The following INTS9 variants were observed in gnomAD, a reference collection of about 807,000 sequenced individuals.
The protein encoded by INTS9 is integrator complex subunit 9.
In INTS9, 55 loss-of-function variants were observed where a neutral mutation model predicts 79.7. That is an observed-to-expected ratio of 0.69 (90% confidence interval 0.56 to 0.86). The LOEUF is 0.86. INTS9 is among the 40% of genes least tolerant of loss of function. The probability of loss-of-function intolerance (pLI) is 0.00; values close to 1 mark genes in which losing one functional copy is unlikely to be tolerated. For synonymous variants in INTS9, 319 were observed against 325.2 expected, an observed-to-expected ratio of 0.98 and a Z score of 0.20; for missense variants, 721 against 831.5, an observed-to-expected ratio of 0.87 and a Z score of 1.64.
intron 1 of INTS9, chr8:28,862,283 T>G (rs999927964): frequency 2.5e-5 from 23 of 915,992 alleles, no homozygotes; most frequent in African/African-American, 5.4e-5. Flanking sequence ...GATTATCATT[T>G]TTATATTCCA....
At chr8:28,772,837 A>G (rs1802629309) in intron 14 of INTS9, among the ~76,000 whole-genome samples, 1 of 152,232 alleles carries the variant, frequency 6.6e-6, no homozygotes, top group Non-Finnish European at 1.5e-5. Context: ...ATACAATTTA[A>G]AATTAGATAA....
intron 11 of INTS9, among the ~76,000 whole-genome samples, chr8:28,783,040 G>C (rs1803384936): frequency 1.3e-5 from 2 of 151,502 alleles, no homozygotes; most frequent in Non-Finnish European, 2.9e-5. Flanking sequence ...CGTTACTCGG[G>C]AGGCTGAGGC....
intron 5 of INTS9, among the ~76,000 whole-genome samples, chr8:28,836,727 T>G (rs10866874): frequency 6.6e-6 from 1 of 151,912 alleles, no homozygotes. Flanking sequence ...ATCCTCTCAA[T>G]TGAAACCAGT....
chr8:28,874,278 ATATT>A (rs1809249669), intron 1 of INTS9, among the ~76,000 whole-genome samples: 1 of 151,560 alleles, frequency 6.6e-6, no homozygotes, highest in Non-Finnish European at 1.5e-5. Context: ...TTAAAAATTC[ATATT>A]TAAACTGTTT....
intron 1 of INTS9, among the ~76,000 whole-genome samples, chr8:28,884,370 A>G (rs1398664033): frequency 6.6e-6 from 1 of 151,722 alleles, no homozygotes; most frequent in African/African-American, 2.4e-5. Context: ...TTTTTTGTAC[A>G]GACAGGGTCT....
At chr8:28,838,205 C>A (rs1013124451) in intron 4 of INTS9, among the ~76,000 whole-genome samples, 1 of 152,000 alleles carries the variant, frequency 6.6e-6, no homozygotes, top group Admixed American at 6.5e-5. Flanking sequence ...CACACAGAAA[C>A]CAGCTCTTCA....
chr8:28,866,508 C>T (rs1808752379), intron 1 of INTS9, among the ~76,000 whole-genome samples: 5 of 152,284 alleles, frequency 3.3e-5, no homozygotes, highest in Middle Eastern at 6.8e-3. Context: ...TCCTTACAGA[C>T]CCCAGGGGCA....
At chr8:28,861,865 T>C (rs1267929958) in intron 1 of INTS9, among the ~76,000 whole-genome samples, 1 of 152,226 alleles carries the variant, frequency 6.6e-6, no homozygotes, top group Non-Finnish European at 1.5e-5. Flanking sequence ...GAACAAACAT[T>C]TTCAGAGCAC....
chr8:28,818,365 T>C (rs1397556039), intron 6 of INTS9, among the ~76,000 whole-genome samples: 7 of 149,838 alleles, frequency 4.7e-5, no homozygotes, highest in African/African-American at 7.4e-5. Context: ...GCATGAAGGG[T>C]TGTTGAATTT....
chr8:28,770,894 T>C (rs1802490976), intron 15 of INTS9, 88 bp downstream of exon 15: 1 of 908,714 alleles, frequency 1.1e-6, no homozygotes, highest in African/African-American at 1.6e-5. Flanking sequence ...AGAATTCACA[T>C]GAAGCGCTAT....
chr8:28,864,985 C>CAAA (rs767728666), intron 1 of INTS9, among the ~76,000 whole-genome samples: 4 of 65,204 alleles, frequency 6.1e-5, no homozygotes, highest in Admixed American at 3.1e-4. Context: ...GACACCGTCT[C>CAAA]AAAAAAAAAA....
intron 9 of INTS9, among the ~76,000 whole-genome samples, chr8:28,795,646 A>T (rs1347822633): frequency 1.5e-3 from 221 of 142,894 alleles, no homozygotes; most frequent in African/African-American, 5.8e-3. Flanking sequence ...TCTCAAAAAA[A>T]AAAAAAAAAA....
At chr8:28,869,731 T>C (rs1371540993) in intron 1 of INTS9, among the ~76,000 whole-genome samples, 2 of 152,216 alleles carry the variant, frequency 1.3e-5, no homozygotes, top group Admixed American at 6.5e-5. Flanking sequence ...GTGCCAATCA[T>C]ACTCACTGTC....
chr8:28,850,269 T>C lies in INTS9; in HGVS notation c.142A>G (p.Arg48Gly), dbSNP rs770562130. ...GACCAGCCAGGAAGATTGGACAGCC[T>C]GGGACTGCAAAACAAAAGATTAAGA... The part of the protein sequence containing the change: ...FLPLPLVQSP[R>G]LSNLPGWSLK... The change falls in exon 3 of 17, where the codon AGG (arginine) becomes GGG (glycine). Residue 48 changes from arginine (R) to glycine (G), a missense_variant. By Grantham distance (125) the Arg-to-Gly change is moderately radical (BLOSUM62 -2). Transcript: ENST00000521022. The C allele has an allele frequency of 1.2e-6, 2 of 1,612,836 alleles. No homozygotes were observed. Among genetic ancestry groups the C allele is most frequent in the South Asian group, 2.2e-5 (2 of 91,032 alleles).
rs752686842 is a variant in INTS9 at position 28,771,058 on chromosome 8, A to G, written c.1586T>C (p.Met529Thr). The change falls in exon 15 of 17, where the codon ATG becomes ACG. Residue 529 changes from methionine to threonine, a missense_variant. This residue lies in a region of INTS9 where 281 missense variants were observed against 300.8 expected (regional missense o/e 0.93). Coordinates refer to ENST00000521022, the MANE Select transcript of INTS9 (RefSeq NM_018250.4). ...MPELADSLVP[M>T]EIKPGISLAT... ...CAAGGAGATGCCAGGCTTGATCTCC[A>G]TGGGCACCAGTGAATCTGCGAGCTG... is the stretch of plus-strand genomic sequence containing the variant. The G allele has an allele frequency of 2.5e-6, 4 of 1,611,838 alleles. No individual in the cohort carries two copies. Among genetic ancestry groups the G allele is most frequent in the African/African-American group, 1.3e-5 (1 of 74,960 alleles).
chr8:28,845,936 T>C (rs1490239870), intron 4 of INTS9, among the ~76,000 whole-genome samples: 1 of 152,016 alleles, frequency 6.6e-6, no homozygotes, highest in African/African-American at 2.4e-5. Context: ...AGTGTAGAAA[T>C]GGAAAGAGAA....
intron 6 of INTS9, among the ~76,000 whole-genome samples, chr8:28,820,516 T>C (rs988357657): frequency 6.6e-6 from 1 of 152,214 alleles, no homozygotes; most frequent in Admixed American, 6.5e-5. Context: ...GTTAGTCTGA[T>C]GGGCTTCCCT....
intron 6 of INTS9, among the ~76,000 whole-genome samples, chr8:28,816,150 T>A (rs905462973): frequency 6.6e-6 from 1 of 152,048 alleles, no homozygotes. Flanking sequence ...TTTCCTTTTT[T>A]AAAAATTTTA....
At chr8:28,879,419 G>GC (rs1809574402) in intron 1 of INTS9, among the ~76,000 whole-genome samples, 1 of 152,186 alleles carries the variant, frequency 6.6e-6, no homozygotes, top group African/African-American at 2.4e-5. Context: ...AATATCATCA[G>GC]CCTGATACAG....
Sources: allele counts gnomAD v4.1 joint callset (sites outside exome capture counted in the v4.1 genomes callset), GRCh38; gene constraint gnomAD v4.1.1; regional missense constraint gnomAD v4.1.1; transcripts MANE v1.5; gene names NCBI Gene and HGNC (gene_info 2026-07-23, HGNC 2026-07-21).